Variants in DOCK4 observed in about 807,000 individuals in gnomAD.
The protein encoded by DOCK4 is dedicator of cytokinesis 4, also known as dedicator of cytokinesis protein 4.
In DOCK4, 97 loss-of-function variants were observed where a neutral mutation model predicts 268.1. That is an observed-to-expected ratio of 0.36 (90% confidence interval 0.31 to 0.43). The LOEUF (loss-of-function observed/expected upper bound fraction) is 0.43. Among genes scored for constraint, DOCK4 ranks in the 20% least tolerant of loss-of-function variants. DOCK4 has a pLI of 1.00. For synonymous variants in DOCK4, 954 were observed against 887.2 expected, an observed-to-expected ratio of 1.08 and a Z score of -1.34; for missense variants, 2,145 against 2,455.7, an observed-to-expected ratio of 0.87 and a Z score of 2.67.
At chr7:111,958,677 T>C (rs1796625766) in intron 8 of DOCK4, among the ~76,000 whole-genome samples, 1 of 152,106 alleles carries the variant, frequency 6.6e-6, no homozygotes, top group Non-Finnish European at 1.5e-5. Flanking sequence ...CTATGAGTTT[T>C]TGGTTTTCTG....
intron 49 of DOCK4, among the ~76,000 whole-genome samples, chr7:111,737,739 A>G (rs1022915735): frequency 1.8e-4 from 27 of 152,214 alleles, no homozygotes; most frequent in Admixed American, 5.9e-4. Context: ...CAATTTTACT[A>G]AAACCAGAAA....
At chr7:111,901,586 C>T (rs545451248) in intron 14 of DOCK4, 91 bp downstream of exon 14, 38 of 1,279,542 alleles carry the variant, frequency 3.0e-5, no homozygotes, top group East Asian at 1.5e-4. Flanking sequence ...ATTAACTGAT[C>T]GTAAATCAGA....
intron 8 of DOCK4, chr7:111,976,861 T>C: frequency 3.6e-6 from 1 of 277,562 alleles, no homozygotes; most frequent in Non-Finnish European, 6.7e-6. Flanking sequence ...TTAAAACAAA[T>C]AACAGATTTG....
In DOCK4 at chr7:112,066,720, T is replaced by C. The variant is rs186906066; in HGVS notation, c.38-62589A>G. ...ATATATATATATATATATATATATATATATATATATATATATATATATCTC... is the reference window on the plus strand; with the variant it reads ...ATATATATATATATATATATATATACATATATATATATATATATATATCTC... On this transcript the variant is annotated intron_variant, in intron 1 of 52. Coordinates refer to ENST00000428084, the MANE Select transcript of DOCK4 (RefSeq NM_001363540.2). Among the ~76,000 whole-genome samples, 7 of 102,718 alleles carry C rather than the reference T, an allele frequency of 6.8e-5. 1 individual carries two copies. Among genetic ancestry groups the C allele is most frequent in the Non-Finnish European group, 1.2e-4 (6 of 50,334 alleles). 67.4% of individuals were successfully genotyped at this position (102,718 alleles called of 152,430 possible). A position where few individuals can be genotyped will look rare whatever the true frequency, so the allele number is the denominator to read the frequency against.
rs57399750 is a variant in DOCK4, at chr7:112,189,746, GT to G, written c.37+16355del. On this transcript the variant is annotated intron_variant, in intron 1 of 52. Transcript: ENST00000428084. ...TGTTTTTATTCTCTGTCTGGGTTTTGTTTTTTTTTTTTTTTTTTTTTGAGAT... is the reference window on the plus strand; with the variant it reads ...TGTTTTTATTCTCTGTCTGGGTTTTGTTTTTTTTTTTTTTTTTTTTGAGAT... Among the ~76,000 whole-genome samples the G allele has an allele frequency of 1.0e-4, 10 of 95,808 alleles. No homozygotes were observed. In the South Asian group the frequency reaches 2.2e-3, roughly 21 times the overall value. 62.9% of individuals were successfully genotyped at this position (95,808 alleles called of 152,430 possible). A position where few individuals can be genotyped will look rare whatever the true frequency, so the allele number is the denominator to read the frequency against.
At chr7:111,768,869 G>A (rs1304576886) in intron 37 of DOCK4, among the ~76,000 whole-genome samples, 1 of 152,164 alleles carries the variant, frequency 6.6e-6, no homozygotes, top group Non-Finnish European at 1.5e-5. Flanking sequence ...GCATGTTTGG[G>A]TCTCTGACAA....
intron 35 of DOCK4, among the ~76,000 whole-genome samples, chr7:111,778,710 T>A (rs115566270): frequency 0.026 from 3,888 of 152,308 alleles, 149 homozygotes; most frequent in African/African-American, 0.084. Context: ...GGCCGATTGA[T>A]ACTCAAAGGA....
rs1798278150 is a variant in DOCK4 at position 111,977,264 on chromosome 7, T to C, written c.569A>G (p.Lys190Arg). 1.2e-6 allele frequency: 2 copies of C among 1,602,528 alleles called. No homozygotes were observed. The highest frequency in any genetic ancestry group is 2.3e-5 in the South Asian group (2 of 88,708). The change falls in exon 8 of 53, where the codon AAG (lysine) becomes AGG (arginine). Residue 190 changes from lysine (K) to arginine (R), a missense_variant. Coordinates refer to ENST00000428084, the MANE Select transcript of DOCK4 (RefSeq NM_001363540.2). ...LYRLMEHRHR[K>R]KDTPVQASSH... ...GCTGGCCTGCACCGGGGTGTCTTTCTTCCGATGTCGATGTTCCATCTGAAT... is the reference window on the plus strand; with the variant it reads ...GCTGGCCTGCACCGGGGTGTCTTTCCTCCGATGTCGATGTTCCATCTGAAT...
At chr7:111,842,424 C>T (rs1000715278) in intron 25 of DOCK4, among the ~76,000 whole-genome samples, 5 of 152,212 alleles carry the variant, frequency 3.3e-5, no homozygotes, top group Admixed American at 2.0e-4. Context: ...TGCTTTTAGC[C>T]GCAGTTGCTC....
intron 17 of DOCK4, among the ~76,000 whole-genome samples, chr7:111,873,840 G>C (rs1005871220): frequency 5.3e-5 from 8 of 152,106 alleles, no homozygotes; most frequent in African/African-American, 1.9e-4. Context: ...ACACGGGTAA[G>C]AGGAGGAGGA....
intron 30 of DOCK4, among the ~76,000 whole-genome samples, chr7:111,806,676 A>G (rs991641739): frequency 3.9e-5 from 6 of 152,228 alleles, no homozygotes; most frequent in Non-Finnish European, 2.9e-5. Context: ...AGCTAAGTAC[A>G]TAAGAATCAC....
intron 12 of DOCK4, among the ~76,000 whole-genome samples, chr7:111,932,458 C>T (rs943845682): frequency 6.6e-6 from 1 of 151,902 alleles, no homozygotes; most frequent in Non-Finnish European, 1.5e-5. Context: ...AGTTAATAGG[C>T]AGAAAGAAAG....
chr7:111,835,800 A>G (rs1803191472), intron 25 of DOCK4, among the ~76,000 whole-genome samples: 1 of 152,186 alleles, frequency 6.6e-6, no homozygotes, highest in Non-Finnish European at 1.5e-5. Flanking sequence ...GGAAAATTCA[A>G]TGTATCCTCG....
At chr7:111,731,252 C>CG (rs1341078996) in intron 52 of DOCK4, among the ~76,000 whole-genome samples, 18 of 152,224 alleles carry the variant, frequency 1.2e-4, no homozygotes, top group African/African-American at 4.3e-4. Flanking sequence ...CTCCATTTTG[C>CG]GGGGGGAGGC....
At chr7:112,138,452 C>T (rs948688434) in intron 1 of DOCK4, among the ~76,000 whole-genome samples, 1 of 152,152 alleles carries the variant, frequency 6.6e-6, no homozygotes, top group Non-Finnish European at 1.5e-5. Context: ...CTCTCAGATA[C>T]AGATGAAGAA....
intron 24 of DOCK4, among the ~76,000 whole-genome samples, chr7:111,846,602 G>A (rs3903565): frequency 2.7e-5 from 4 of 150,782 alleles, no homozygotes. Flanking sequence ...CCCGGCCCAA[G>A]GACCACAGCC....
intron 1 of DOCK4, among the ~76,000 whole-genome samples, chr7:112,031,541 TA>T (rs1563012729): frequency 6.6e-6 from 1 of 152,178 alleles, no homozygotes; most frequent in Non-Finnish European, 1.5e-5. Flanking sequence ...CCAATTCTTA[TA>T]ACCTTCCATT....
intron 17 of DOCK4, among the ~76,000 whole-genome samples, chr7:111,875,203 A>G (rs1321498248): frequency 3.9e-5 from 6 of 152,234 alleles, no homozygotes; most frequent in African/African-American, 1.4e-4. Flanking sequence ...CAATCATTGC[A>G]TGGAATTCCG....
At chr7:111,899,961 C>T (rs924110375) in intron 15 of DOCK4, among the ~76,000 whole-genome samples, 1 of 152,198 alleles carries the variant, frequency 6.6e-6, no homozygotes, top group African/African-American at 2.4e-5. Context: ...GAGGCAATTA[C>T]TTCATGTTAC....
Sources: allele counts gnomAD v4.1 joint callset (sites outside exome capture counted in the v4.1 genomes callset), GRCh38; gene constraint gnomAD v4.1.1; transcripts MANE v1.5; gene names NCBI Gene and HGNC (gene_info 2026-07-23, HGNC 2026-07-21).